The following MRE11 variants were observed in gnomAD, a reference collection of about 807,000 sequenced individuals.
MRE11 encodes the protein MRE11 double strand break repair nuclease.
MRE11 carries 62 observed loss-of-function variants against 91.7 expected under a neutral mutation model. That is an observed-to-expected ratio of 0.68 (90% confidence interval 0.55 to 0.84). The LOEUF is 0.84. Among genes scored for constraint, MRE11 ranks in the 40% least tolerant of loss-of-function variants. The probability of loss-of-function intolerance (pLI) is 0.00; values close to 1 mark genes in which losing one functional copy is unlikely to be tolerated. For missense variants in MRE11, 796 were observed against 852.9 expected (o/e 0.93, Z 0.83); for synonymous variants, 273 against 271.4 (o/e 1.01, Z -0.06).
chr11:94,419,856 CAT>C lies in MRE11; in HGVS notation c.*267_*268del. 3.5e-6 allele frequency: 1 copy of C among 284,464 alleles called. No individual in the cohort carries two copies. The highest frequency in any genetic ancestry group is 6.6e-6 in the Non-Finnish European group (1 of 150,446). 17.6% of individuals were successfully genotyped at this position (284,464 alleles called of 1,614,324 possible). A position where few individuals can be genotyped will look rare whatever the true frequency, so the allele number is the denominator to read the frequency against. On this transcript the variant is annotated 3_prime_UTR_variant, in exon 20 of 20. Transcript: ENST00000323929. ...AAATGTAACCATATTAAAATACTGACATAGTTTTTCATTATGAAATAGAAATG... is the reference window on the plus strand; with the variant it reads ...AAATGTAACCATATTAAAATACTGACAGTTTTTCATTATGAAATAGAAATG...
intron 10 of MRE11, chr11:94,466,415 A>G: frequency 2.0e-6 from 1 of 500,098 alleles, no homozygotes; most frequent in Non-Finnish European, 4.2e-6. Flanking sequence ...TGCCAGCGAC[A>G]GTGGGATAAA....
intron 18 of MRE11, among the ~76,000 whole-genome samples, chr11:94,432,749 T>C (rs927112953): frequency 6.6e-6 from 1 of 152,176 alleles, no homozygotes; most frequent in Non-Finnish European, 1.5e-5. Context: ...GAGCTTGCAG[T>C]GAGCCGAGAT....
rs556654467 is a variant in MRE11 at position 94,490,976 on chromosome 11, A to G, written c.21-11T>C. On this transcript the variant is annotated splice_polypyrimidine_tract_variant and intron_variant, in intron 2 of 19. Coordinates refer to ENST00000323929, the MANE Select transcript of MRE11 (RefSeq NM_005591.4). ...GTGTTTTCATCATCACTATATTAAG[A>G]AAGAAGAAACATTTCAATATATTAA... is the stretch of plus-strand genomic sequence containing the variant. 1.3e-5 allele frequency: 18 copies of G among 1,360,786 alleles called. No homozygotes were observed. In the South Asian group the frequency reaches 2.0e-4, roughly 15 times the overall value. 84.3% of individuals were successfully genotyped at this position (1,360,786 alleles called of 1,614,324 possible). A position where few individuals can be genotyped will look rare whatever the true frequency, so the allele number is the denominator to read the frequency against.
At chr11:94,435,710 C>A in intron 18 of MRE11, 122 bp downstream of exon 18, 1 of 788,640 alleles carries the variant, frequency 1.3e-6, no homozygotes, top group Non-Finnish European at 2.2e-6. Context: ...CCTCTACATA[C>A]TTTACTAGTT....
chr11:94,440,983 C>G (rs2134865410), intron 16 of MRE11, among the ~76,000 whole-genome samples: 1 of 152,298 alleles, frequency 6.6e-6, no homozygotes, highest in South Asian at 2.1e-4. Context: ...AAACTCTCGC[C>G]AACCTAGAGA....
chr11:94,451,522 G>A (rs1946106045), intron 14 of MRE11, among the ~76,000 whole-genome samples: 1 of 152,004 alleles, frequency 6.6e-6, no homozygotes, highest in Admixed American at 6.6e-5. Flanking sequence ...AGAACTGCGT[G>A]CACAAAAAGA....
At chr11:94,446,641 T>C (rs2134902279) in intron 15 of MRE11, among the ~76,000 whole-genome samples, 1 of 152,326 alleles carries the variant, frequency 6.6e-6, no homozygotes, top group East Asian at 1.9e-4. Flanking sequence ...AGTCACTGAG[T>C]GACCAATTTC....
Position 94,423,357 on chromosome 11 carries a change from C to T in MRE11, c.2071-3176G>A, listed in dbSNP as rs377306180. ...TACAAGATTCCATGCCCCCTGGAGA[C>T]GTTTCAACTGGCAGGGGGATTGGCC... is the stretch of plus-strand genomic sequence containing the variant. On this transcript the variant is annotated intron_variant, in intron 19 of 19. Transcript: ENST00000323929. 7.2e-5 allele frequency among the ~76,000 whole-genome samples: 11 copies of T among 152,302 alleles called. No individual in the cohort carries two copies. In the East Asian group the frequency reaches 1.7e-3, roughly 24 times the overall value.
chr11:94,477,121 G>A (rs912311945), intron 6 of MRE11, among the ~76,000 whole-genome samples: 1 of 152,142 alleles, frequency 6.6e-6, no homozygotes. Context: ...ATAAAAATGT[G>A]AGTTTTCTAT....
intron 17 of MRE11, among the ~76,000 whole-genome samples, chr11:94,436,361 G>A (rs1945613835): frequency 6.6e-6 from 1 of 152,120 alleles, no homozygotes; most frequent in Non-Finnish European, 1.5e-5. Flanking sequence ...ATTTCTGACT[G>A]TTGATTCTAC....
chr11:94,457,873 C>CCT (rs71305376), intron 13 of MRE11, among the ~76,000 whole-genome samples: 85 of 144,398 alleles, frequency 5.9e-4, no homozygotes, highest in Middle Eastern at 3.5e-3. Flanking sequence ...TCTCTCTCTC[C>CCT]CTCTCTCTCT....
intron 16 of MRE11, among the ~76,000 whole-genome samples, chr11:94,438,853 G>A (rs972578045): frequency 6.6e-6 from 1 of 152,134 alleles, no homozygotes; most frequent in Non-Finnish European, 1.5e-5. Flanking sequence ...CTGCTGAGAG[G>A]GTAAGAGGAA....
rs1212305565 is a variant in MRE11 at position 94,419,311 on chromosome 11, C to T, written c.*814G>A. 1.7e-5 allele frequency: 4 copies of T among 232,818 alleles called. No homozygotes were observed. Among genetic ancestry groups the T allele is most frequent in the Non-Finnish European group, 2.5e-5 (3 of 117,948 alleles). The allele number at this position is 232,818 out of a possible 1,614,324, so 14.4% of individuals were successfully genotyped here. A position where few individuals can be genotyped will look rare whatever the true frequency, so the allele number is the denominator to read the frequency against. ...TTCTATACTTTACTGTAAGGTTCAA[C>T]TGACCACTCTACCTAAAACAAATTC... On this transcript the variant is annotated 3_prime_UTR_variant, in exon 20 of 20. Coordinates refer to ENST00000323929, the MANE Select transcript of MRE11 (RefSeq NM_005591.4).
chr11:94,423,798 G>A (rs560119546), intron 19 of MRE11, among the ~76,000 whole-genome samples: 174 of 152,356 alleles, frequency 1.1e-3, no homozygotes, highest in Admixed American at 4.1e-3. Context: ...TGGTCCCAGT[G>A]CTACAGGGCT....
chr11:94,496,947 A>G (rs1284434438), upstream of MRE11: 1 of 1,613,212 alleles, frequency 6.2e-7, no homozygotes, highest in Non-Finnish European at 8.5e-7. Context: ...GCTGAAAAAA[A>G]TCGGGTAAAA....
chr11:94,475,738 T>C, intron 7 of MRE11: 1 of 418,996 alleles, frequency 2.4e-6, no homozygotes, highest in Non-Finnish European at 4.7e-6. Context: ...AGAATGTTCA[T>C]AACAGCAAGG....
rs1189549477 is a variant in MRE11, at chr11:94,419,892, T to TCTTTATTTTA, written c.*232_*233insTAAAATAAAG. ...ATTATGAAATAGAAATGTAAAATGG[T>TCTTTATTTTA]AGCTTTATTTTAATCTTTACTCAAG... On this transcript the variant is annotated 3_prime_UTR_variant, in exon 20 of 20. Transcript: ENST00000323929. 6.2e-6 allele frequency: 2 copies of TCTTTATTTTA among 323,390 alleles called. No individual in the cohort carries two copies. The highest frequency in any genetic ancestry group is 4.2e-5 in the African/African-American group (2 of 47,728). 20.0% of individuals were successfully genotyped at this position (323,390 alleles called of 1,614,324 possible).
chr11:94,493,005 A>C (rs961505839), intron 1 of MRE11, 99 bp from the exon 2 acceptor site: 11 of 577,312 alleles, frequency 1.9e-5, no homozygotes, highest in Non-Finnish European at 3.0e-5. Context: ...TCTTAATTAG[A>C]CTGGCAAATT....
Position 94,415,700 on chromosome 11 carries a change from T to C in MRE11, c.*4425A>G, listed in dbSNP as rs1269730744. ...AGACAATGATGGTTTAATTAAGAGG[T>C]TGATAAAGCATATGTAGAAAAGTCA... On this transcript the variant is annotated 3_prime_UTR_variant, in exon 20 of 20. Coordinates refer to ENST00000323929, the MANE Select transcript of MRE11 (RefSeq NM_005591.4). 1.3e-5 allele frequency: 2 copies of C among 152,108 alleles called. No individual in the cohort carries two copies. Among genetic ancestry groups the C allele is most frequent in the Non-Finnish European group, 2.9e-5 (2 of 68,026 alleles). The allele number at this position is 152,108 out of a possible 1,614,324, so 9.4% of individuals were successfully genotyped here.
Sources: gnomAD v4.1 joint callset for allele counts (sites outside exome capture counted in the v4.1 genomes callset) on GRCh38, gnomAD v4.1.1 for gene constraint, MANE v1.5 for transcripts, NCBI Gene and HGNC (gene_info 2026-07-23, HGNC 2026-07-21) for gene names.